Variants in CHST9 observed in about 807,000 individuals in gnomAD.
CHST9 encodes GalNAc-4-sulfotransferase 2.
Under a neutral mutation model 44.4 loss-of-function variants are expected in CHST9, and 41 were observed. That is an observed-to-expected ratio of 0.92 (90% CI 0.72 to 1.20). The LOEUF is 1.20. Among genes scored for constraint, CHST9 ranks in the 50% most tolerant of loss-of-function variants. The probability of loss-of-function intolerance (pLI) is 0.00; values close to 1 mark genes in which losing one functional copy is unlikely to be tolerated. For synonymous variants in CHST9, 171 were observed against 178.4 expected (o/e 0.96, Z 0.33); for missense variants, 504 against 516.5 (o/e 0.98, Z 0.23).
At chr18:26,950,082 G>A (rs1013332933) in intron 4 of CHST9, among the ~76,000 whole-genome samples, 1 of 152,146 alleles carries the variant, frequency 6.6e-6, no homozygotes, top group Non-Finnish European at 1.5e-5. Flanking sequence ...AGAGTTTTTG[G>A]TGATTTGTTA....
At chr18:27,120,717 T>A (rs9955513) in intron 2 of CHST9, among the ~76,000 whole-genome samples, 1,629 of 152,342 alleles carry the variant, frequency 0.011, 25 homozygotes, top group African/African-American at 0.034. Context: ...AATAGGAATC[T>A]TAATGGTACC....
At chr18:27,066,093 C>T (rs2057779184) in intron 2 of CHST9, among the ~76,000 whole-genome samples, 1 of 152,204 alleles carries the variant, frequency 6.6e-6, no homozygotes, top group African/African-American at 2.4e-5. Flanking sequence ...TTATTTGGAT[C>T]TTAAAAAATG....
At chr18:27,103,671 T>C (rs1858568468) in intron 2 of CHST9, among the ~76,000 whole-genome samples, 1 of 152,206 alleles carries the variant, frequency 6.6e-6, no homozygotes, top group African/African-American at 2.4e-5. Flanking sequence ...AGAGACTGGA[T>C]TCCTTCCATG....
chr18:26,978,150 A>G (rs1448413359), intron 4 of CHST9, among the ~76,000 whole-genome samples: 1 of 151,330 alleles, frequency 6.6e-6, no homozygotes, highest in Non-Finnish European at 1.5e-5. Flanking sequence ...TTTTTTTGCA[A>G]TAAAACAGAA....
intron 2 of CHST9, among the ~76,000 whole-genome samples, chr18:27,053,139 A>AGAGGAAGAAGAAGAG (rs199883206): frequency 8.9e-6 from 1 of 112,136 alleles, no homozygotes; most frequent in Non-Finnish European, 1.8e-5. Flanking sequence ...AGGAAGAAGA[A>AGAGGAAGAAGAAGAG]GAAGAAGAAG....
chr18:26,971,109 T>C (rs1253628030), intron 4 of CHST9, among the ~76,000 whole-genome samples: 1 of 152,148 alleles, frequency 6.6e-6, no homozygotes, highest in African/African-American at 2.4e-5. Context: ...GAGCAGATGA[T>C]TCTGAGCACA....
chr18:27,060,333 G>C (rs1182045152), intron 2 of CHST9, among the ~76,000 whole-genome samples: 1 of 152,182 alleles, frequency 6.6e-6, no homozygotes, highest in East Asian at 1.9e-4. Context: ...GGAGTGAAGA[G>C]AAATATTGTC....
chr18:27,025,603 C>A lies in CHST9; in HGVS notation c.161-1446G>T, dbSNP rs147398193. On this transcript the variant is annotated intron_variant, in intron 3 of 5. Coordinates refer to ENST00000618847, the MANE Select transcript of CHST9 (RefSeq NM_031422.6). ...TGAACTTCCTGGTGTAAGGTACTGG[C>A]CATTCTACTTGATTTAGTAATATCT... Among the ~76,000 whole-genome samples, 5 of 152,210 alleles carry A rather than the reference C, an allele frequency of 3.3e-5. No individual in the cohort carries two copies. In the East Asian group the frequency reaches 7.7e-4, roughly 24 times the overall value.
chr18:26,916,752 C>T lies in CHST9; in HGVS notation c.839G>A (p.Arg280His), dbSNP rs368802174. 7.4e-6 allele frequency: 12 copies of T among 1,613,870 alleles called. No individual in the cohort carries two copies. The highest frequency in any genetic ancestry group is 1.7e-4 in the Middle Eastern group (1 of 6,060). ...TGATACTAATCTTTCCATGGGATCACGAACAAACACAGCTTTGGTGTAAGT... is the reference window on the plus strand; with the variant it reads ...TGATACTAATCTTTCCATGGGATCATGAACAAACACAGCTTTGGTGTAAGT... Reference protein sequence around the residue: ...LNTYTKAVFVRDPMERLVSAF... With the variant: ...LNTYTKAVFVHDPMERLVSAF... Residue 280 changes from arginine to histidine, a missense_variant, in exon 6 of 6, where the codon CGT (arginine) becomes CAT (histidine). Coordinates refer to ENST00000618847, the MANE Select transcript of CHST9 (RefSeq NM_031422.6).
rs79536649 is a variant in CHST9, at chr18:27,084,969, A to C, written c.122-36466T>G. 3.4e-3 allele frequency among the ~76,000 whole-genome samples: 445 copies of C among 131,034 alleles called. 2 individuals are homozygous for C. The highest frequency in any genetic ancestry group is 0.02 in the Admixed American group (258 of 12,920). 86.0% of individuals were successfully genotyped at this position (131,034 alleles called of 152,430 possible). A position where few individuals can be genotyped will look rare whatever the true frequency, so the allele number is the denominator to read the frequency against. On this transcript the variant is annotated intron_variant, in intron 2 of 5. Coordinates refer to ENST00000618847, the MANE Select transcript of CHST9 (RefSeq NM_031422.6). ...AAATTATATGGTTTGGAGAGATCTTATTATTAATTTCTATTTTTATTGCAC... is the reference window on the plus strand; with the variant it reads ...AAATTATATGGTTTGGAGAGATCTTCTTATTAATTTCTATTTTTATTGCAC...
intron 2 of CHST9, among the ~76,000 whole-genome samples, chr18:27,116,403 C>T (rs1353578611): frequency 6.6e-6 from 1 of 152,122 alleles, no homozygotes; most frequent in Non-Finnish European, 1.5e-5. Flanking sequence ...GTCTTGCCAA[C>T]CCTGTTGAAA....
intron 2 of CHST9, among the ~76,000 whole-genome samples, chr18:27,083,512 T>C (rs986067897): frequency 6.6e-6 from 1 of 152,168 alleles, no homozygotes; most frequent in Non-Finnish European, 1.5e-5. Context: ...ATAGGCCTCA[T>C]AGCAAAACAG....
chr18:27,175,176 A>G (rs890006755), intron 1 of CHST9, among the ~76,000 whole-genome samples: 4 of 151,886 alleles, frequency 2.6e-5, no homozygotes, highest in African/African-American at 9.7e-5. Flanking sequence ...TACTTTTTCA[A>G]TTTCACCTAT....
intron 5 of CHST9, among the ~76,000 whole-genome samples, chr18:26,929,895 C>T (rs1034322274): frequency 6.6e-6 from 1 of 152,194 alleles, no homozygotes; most frequent in Non-Finnish European, 1.5e-5. Flanking sequence ...GCAGCATATA[C>T]CTGCCCCCAA....
chr18:27,184,543 T>C (rs2058940011), intron 1 of CHST9, among the ~76,000 whole-genome samples: 1 of 151,714 alleles, frequency 6.6e-6, no homozygotes, highest in Non-Finnish European at 1.5e-5. Flanking sequence ...CTGGCCACGA[T>C]CGCACCTGGC....
intron 3 of CHST9, among the ~76,000 whole-genome samples, chr18:27,043,804 T>TA (rs2057470748): frequency 6.6e-6 from 1 of 152,050 alleles, no homozygotes; most frequent in African/African-American, 2.4e-5. Flanking sequence ...TTTCAGCACT[T>TA]ACTGCATGAA....
chr18:27,085,124 T>C (rs949306034), intron 2 of CHST9, among the ~76,000 whole-genome samples: 7 of 152,038 alleles, frequency 4.6e-5, no homozygotes, highest in Non-Finnish European at 1.0e-4. Context: ...TCTGTTATTG[T>C]TGGGTGGAGT....
chr18:27,179,860 A>G (rs1191932131), intron 1 of CHST9, among the ~76,000 whole-genome samples: 2 of 152,114 alleles, frequency 1.3e-5, no homozygotes, highest in Non-Finnish European at 2.9e-5. Flanking sequence ...CCAAATCAGT[A>G]ATTTTTATTT....
intron 4 of CHST9, among the ~76,000 whole-genome samples, chr18:26,959,070 T>G (rs2056366359): frequency 6.6e-6 from 1 of 152,106 alleles, no homozygotes; most frequent in Admixed American, 6.5e-5. Flanking sequence ...TCAACCTAGG[T>G]GCCCATCAAT....
Sources: gnomAD v4.1 joint callset for allele counts (sites outside exome capture counted in the v4.1 genomes callset) on GRCh38, gnomAD v4.1.1 for gene constraint, MANE v1.5 for transcripts, NCBI Gene and HGNC (gene_info 2026-07-23, HGNC 2026-07-21) for gene names.